Variants in MKLN1 observed in about 807,000 individuals in gnomAD.
The protein encoded by MKLN1 is muskelin 1.
A neutral mutation model predicts 99.0 loss-of-function variants in MKLN1; 18 were observed. That is an observed-to-expected ratio of 0.18 (90% CI 0.13 to 0.27). The LOEUF (loss-of-function observed/expected upper bound fraction) is 0.27, where lower values mean the gene tolerates loss of function less well. Ranked by LOEUF, MKLN1 falls within the 10% of genes least tolerant of loss-of-function variation. MKLN1 has a pLI of 1.00. For missense variants in MKLN1, 621 were observed against 875.9 expected (o/e 0.71, Z 3.67); for synonymous variants, 288 against 293.2 (o/e 0.98, Z 0.18).
chr7:131,169,952 T>C (rs1365119956), intron 2 of MKLN1, among the ~76,000 whole-genome samples: 2 of 152,214 alleles, frequency 1.3e-5, no homozygotes, highest in African/African-American at 4.8e-5. Context: ...CACCTAGGCA[T>C]GGTGGTTGAC....
chr7:131,361,492 A>G (rs549487673), intron 1 of MKLN1, among the ~76,000 whole-genome samples: 3 of 151,918 alleles, frequency 2.0e-5, no homozygotes, highest in Admixed American at 2.0e-4. Context: ...CTCGTATCAA[A>G]ATCTAGATCA....
At chr7:131,200,930 A>G (rs1159499086) in intron 2 of MKLN1, among the ~76,000 whole-genome samples, 1 of 152,170 alleles carries the variant, frequency 6.6e-6, no homozygotes, top group Non-Finnish European at 1.5e-5. Flanking sequence ...TTTTACTGTT[A>G]TTGTATTTAA....
chr7:131,428,387 G>C (rs1795421878), intron 8 of MKLN1, among the ~76,000 whole-genome samples: 1 of 152,024 alleles, frequency 6.6e-6, no homozygotes, highest in Non-Finnish European at 1.5e-5. Context: ...AATATATCTG[G>C]AAAAATTTCT....
chr7:131,387,095 A>G (rs754698785), intron 2 of MKLN1, 25 bp from the exon 3 acceptor site: 4 of 1,571,274 alleles, frequency 2.5e-6, no homozygotes, highest in Non-Finnish European at 3.4e-6. Context: ...AGAAGAGGAT[A>G]TAATTTGGTC....
intron 3 of MKLN1, among the ~76,000 whole-genome samples, chr7:131,302,477 A>G (rs1798390242): frequency 6.6e-6 from 1 of 151,968 alleles, no homozygotes; most frequent in South Asian, 2.1e-4. Flanking sequence ...AGCCAATTTC[A>G]CTCTTCCCAA....
intron 1 of MKLN1, among the ~76,000 whole-genome samples, chr7:131,125,564 A>C (rs1209264204): frequency 6.6e-6 from 1 of 152,176 alleles, no homozygotes; most frequent in African/African-American, 2.4e-5. Context: ...AAATGAAGAA[A>C]AGACGAGCAT....
At chr7:131,321,253 A>AC (rs1798769046) in intron 3 of MKLN1, among the ~76,000 whole-genome samples, 1 of 102,362 alleles carries the variant, frequency 9.8e-6, no homozygotes, top group African/African-American at 2.9e-5. Flanking sequence ...GCAGCTATAA[A>AC]AAAAGAGTTC....
intron 3 of MKLN1, among the ~76,000 whole-genome samples, chr7:131,298,213 G>C (rs932841202): frequency 1.3e-5 from 2 of 152,058 alleles, no homozygotes; most frequent in East Asian, 3.9e-4. Flanking sequence ...GGAGCTTGCA[G>C]TGAGCCGAGA....
At position 131,252,096 on chromosome 7, in the gene MKLN1, T is replaced by A. The variant is rs1163355210; in HGVS notation, c.-179+49122T>A. On this transcript the variant is annotated intron_variant, in intron 3 of 7. Transcript: ENST00000416992. Reference sequence around the variant, plus strand: ...GAACCTGAAATCCCAAATGTCCTATTCCCCTTTTTTCACAAATTATATATA... The same window carrying A: ...GAACCTGAAATCCCAAATGTCCTATACCCCTTTTTTCACAAATTATATATA... Among the ~76,000 whole-genome samples the A allele has an allele frequency of 2.0e-5, 3 of 152,026 alleles. No homozygotes were observed. The East Asian group carries it at 5.8e-4, about 29-fold the overall frequency.
chr7:131,333,757 C>T (rs995450822), intron 1 of MKLN1, among the ~76,000 whole-genome samples: 8 of 152,048 alleles, frequency 5.3e-5, no homozygotes, highest in African/African-American at 1.2e-4. Context: ...AGGCTGGTCC[C>T]GAACTCCTGA....
intron 8 of MKLN1, among the ~76,000 whole-genome samples, chr7:131,421,831 C>A (rs906769241): frequency 6.6e-6 from 1 of 152,126 alleles, no homozygotes; most frequent in African/African-American, 2.4e-5. Flanking sequence ...AAAAGTAACT[C>A]ACTCATAATT....
intron 2 of MKLN1, among the ~76,000 whole-genome samples, chr7:131,193,730 G>T (rs1414978989): frequency 6.6e-6 from 1 of 151,888 alleles, no homozygotes; most frequent in Admixed American, 6.6e-5. Context: ...CACCATCATG[G>T]CTCACGGCAG....
At chr7:131,349,700 T>C (rs1193262048) in intron 1 of MKLN1, among the ~76,000 whole-genome samples, 1 of 152,244 alleles carries the variant, frequency 6.6e-6, no homozygotes, top group Non-Finnish European at 1.5e-5. Context: ...CCTTCTGAGA[T>C]ATTCAGCAAT....
intron 1 of MKLN1, among the ~76,000 whole-genome samples, chr7:131,130,379 G>C (rs998919357): frequency 6.6e-6 from 1 of 152,150 alleles, no homozygotes; most frequent in Non-Finnish European, 1.5e-5. Context: ...AGCCAACCTG[G>C]GTTCACTTAA....
chr7:131,286,494 T>C (rs1015793954), intron 3 of MKLN1, among the ~76,000 whole-genome samples: 3 of 152,172 alleles, frequency 2.0e-5, no homozygotes, highest in African/African-American at 7.2e-5. Flanking sequence ...GTTTCAGATA[T>C]ATCATTCTGT....
chr7:131,279,095 C>T (rs1170943516), intron 3 of MKLN1, among the ~76,000 whole-genome samples: 1 of 152,218 alleles, frequency 6.6e-6, no homozygotes, highest in Non-Finnish European at 1.5e-5. Flanking sequence ...GTGCCAGACA[C>T]TGTTTCAGAC....
intron 3 of MKLN1, among the ~76,000 whole-genome samples, chr7:131,266,581 A>G (rs1797812131): frequency 6.6e-6 from 1 of 152,158 alleles, no homozygotes. Context: ...ACATAGTTCT[A>G]CATGGCCACA....
At position 131,397,275 on chromosome 7, in the gene MKLN1, T is replaced by C; in HGVS notation, c.409T>C (p.Leu137=). 6.2e-7 allele frequency: 1 copy of C among 1,606,934 alleles called. No individual in the cohort carries two copies. The highest frequency in any genetic ancestry group is 8.5e-7 in the Non-Finnish European group (1 of 1,175,488). ...PCRFIKIVPL[L]SWGPSFNFSI... is the part of the protein sequence containing the mutation. ...GTTTTTTCTCCTTAAAGTTCCACTC[T>C]TGTCCTGGGGACCCAGCTTTAACTT... The change falls in exon 5 of 18, where the codon TTG becomes CTG. Residue 137 remains leucine, a synonymous_variant. Transcript: ENST00000352689.
chr7:131,205,284 A>G (rs570284113), intron 3 of MKLN1, among the ~76,000 whole-genome samples: 1 of 152,304 alleles, frequency 6.6e-6, no homozygotes, highest in South Asian at 2.1e-4. Flanking sequence ...CCTCAATGGT[A>G]TTATAATTAA....
Sources: gnomAD v4.1 joint callset for allele counts (sites outside exome capture counted in the v4.1 genomes callset) on GRCh38, gnomAD v4.1.1 for gene constraint, MANE v1.5 for transcripts, NCBI Gene and HGNC (gene_info 2026-07-23, HGNC 2026-07-21) for gene names.